Variants in GC observed in about 807,000 individuals in gnomAD.
GC encodes the protein GC vitamin D binding protein.
Under a neutral mutation model 56.7 loss-of-function variants are expected in GC, and 43 were observed. The observed-to-expected ratio is 0.76, with a 90% confidence interval of 0.59 to 0.98. The LOEUF is 0.98. Among genes scored for constraint, GC ranks in the 50% least tolerant of loss-of-function variants. GC has a pLI of 0.00. For missense variants in GC, 529 were observed against 545.9 expected (o/e 0.97, Z 0.31); for synonymous variants, 216 against 202.7 (o/e 1.07, Z -0.56).
At chr4:71,770,915 A>G (rs1209913578) in intron 1 of GC, among the ~76,000 whole-genome samples, 1 of 152,202 alleles carries the variant, frequency 6.6e-6, no homozygotes, top group Non-Finnish European at 1.5e-5. Flanking sequence ...GGGAAGAGCT[A>G]GTTACTAATC....
intron 1 of GC, among the ~76,000 whole-genome samples, chr4:71,799,288 G>A (rs561639488): frequency 3.3e-5 from 5 of 152,260 alleles, no homozygotes. Context: ...AGCTCAGCGA[G>A]ACAGATATAA....
At chr4:71,765,671 T>A (rs200432847) in intron 3 of GC, 28 bp from the exon 4 acceptor site, 275 of 1,339,110 alleles carry the variant, frequency 2.1e-4, no homozygotes, top group Middle Eastern at 8.6e-4. Context: ...AGGAAACTCA[T>A]ATATATATGT....
intron 3 of GC, 37 bp from the exon 4 acceptor site, chr4:71,765,680 G>A: frequency 7.7e-7 from 1 of 1,296,140 alleles, no homozygotes; most frequent in Non-Finnish European, 1.1e-6. Flanking sequence ...ATATATATAT[G>A]TAAATTTCCA....
chr4:71,787,675 A>T (rs150068505), upstream of GC, among the ~76,000 whole-genome samples: 1,654 of 151,946 alleles, frequency 0.011, 16 homozygotes, highest in Non-Finnish European at 0.018. Context: ...ACTGCTTTAG[A>T]AGTCCAAGCA....
At chr4:71,785,047 C>G (rs11934186), upstream of GC, among the ~76,000 whole-genome samples, 1 of 151,696 alleles carries the variant, frequency 6.6e-6, no homozygotes, top group East Asian at 1.9e-4. Flanking sequence ...TACACATGCT[C>G]TAAAATCAAA....
chr4:71,784,172 C>T, upstream of GC: 1 of 1,327,152 alleles, frequency 7.5e-7, no homozygotes. Flanking sequence ...TATTATTAAA[C>T]ACAGAAGCAA....
chr4:71,779,646 G>C (rs557349646), intron 1 of GC, among the ~76,000 whole-genome samples: 2 of 151,994 alleles, frequency 1.3e-5, no homozygotes, highest in Non-Finnish European at 2.9e-5. Flanking sequence ...ATTCCTTTTA[G>C]AGGTTTCTTC....
chr4:71,780,182 T>C (rs1023182180), intron 1 of GC, among the ~76,000 whole-genome samples: 1 of 152,090 alleles, frequency 6.6e-6, no homozygotes, highest in African/African-American at 2.4e-5. Context: ...GCTAGCCATA[T>C]GTAGAAAGCT....
chr4:71,753,044 T>C (rs1274813302), intron 10 of GC, among the ~76,000 whole-genome samples: 1 of 152,168 alleles, frequency 6.6e-6, no homozygotes, highest in Non-Finnish European at 1.5e-5. Context: ...TTTCCTCTCA[T>C]AATTTATATA....
intron 6 of GC, among the ~76,000 whole-genome samples, chr4:71,762,129 G>A (rs1741999850): frequency 6.6e-6 from 1 of 152,194 alleles, no homozygotes; most frequent in South Asian, 2.1e-4. Context: ...CTGGGAGGGA[G>A]GCTGTACCCT....
chr4:71,788,213 C>G (rs761745145), upstream of GC, among the ~76,000 whole-genome samples: 9 of 151,662 alleles, frequency 5.9e-5, no homozygotes, highest in Non-Finnish European at 8.8e-5. Context: ...TCACTGAAAT[C>G]CAGGTATAAT....
intron 6 of GC, among the ~76,000 whole-genome samples, chr4:71,759,136 C>A (rs1013457577): frequency 9.9e-5 from 15 of 151,912 alleles, no homozygotes; most frequent in Admixed American, 6.6e-5. Flanking sequence ...TTTCAGGCTA[C>A]ATAATATTCC....
At chr4:71,765,313 A>C in intron 4 of GC, 119 bp downstream of exon 4, 1 of 771,112 alleles carries the variant, frequency 1.3e-6, no homozygotes, top group South Asian at 1.5e-5. Context: ...ATGACAGTCA[A>C]GTTATCAGAA....
intron 1 of GC, among the ~76,000 whole-genome samples, chr4:71,781,235 T>C (rs1408273766): frequency 6.6e-6 from 1 of 151,126 alleles, no homozygotes; most frequent in Non-Finnish European, 1.5e-5. Flanking sequence ...GGGCCTGTCA[T>C]GGGGTGGGGA....
chr4:71,763,737 C>T, intron 5 of GC, 67 bp downstream of exon 5: 1 of 1,345,606 alleles, frequency 7.4e-7, no homozygotes. Flanking sequence ...CAATTTCTAC[C>T]ATTATCTAAA....
intron 12 of GC, among the ~76,000 whole-genome samples, chr4:71,744,976 T>C (rs1206177410): frequency 6.6e-6 from 1 of 152,350 alleles, no homozygotes; most frequent in Middle Eastern, 3.4e-3. Flanking sequence ...GATATTTGTA[T>C]ACCAGAGCAC....
intron 11 of GC, 23 bp downstream of exon 11, chr4:71,752,495 A>C: frequency 6.3e-7 from 1 of 1,599,590 alleles, no homozygotes; most frequent in Non-Finnish European, 8.5e-7. Context: ...TGCCATGTTA[A>C]GTGGAGGGTT....
At chr4:71,799,562 A>G (rs562820555) in intron 1 of GC, among the ~76,000 whole-genome samples, 1 of 152,254 alleles carries the variant, frequency 6.6e-6, no homozygotes, top group East Asian at 1.9e-4. Context: ...GAGGTAAGCC[A>G]GGGGGACCTG....
intron 1 of GC, among the ~76,000 whole-genome samples, chr4:71,769,945 T>G (rs1478882694): frequency 6.6e-6 from 1 of 152,170 alleles, no homozygotes; most frequent in Non-Finnish European, 1.5e-5. Flanking sequence ...GCTCTGCTAC[T>G]TGGCTCCTGG....
Sources: gnomAD v4.1 joint callset for allele counts (sites outside exome capture counted in the v4.1 genomes callset) on GRCh38, gnomAD v4.1.1 for gene constraint, MANE v1.5 for transcripts, NCBI Gene and HGNC (gene_info 2026-07-23, HGNC 2026-07-21) for gene names.